NCAM1: variants seen among roughly 807,000 people sequenced by gnomAD.
NCAM1 encodes neural cell adhesion molecule 1, also known as antigen recognized by monoclonal antibody 5.1H11.
In NCAM1, 14 loss-of-function variants were observed where a neutral mutation model predicts 109.8. The observed-to-expected ratio is 0.13, with a 90% CI of 0.08 to 0.20. The LOEUF is 0.20. Ranked by LOEUF, NCAM1 falls within the 10% of genes least tolerant of loss-of-function variation. The pLI, the probability that NCAM1 is intolerant of heterozygous loss-of-function variation, is 1.00. For missense variants in NCAM1, 774 were observed against 1,109.9 expected (o/e 0.70, Z 4.30); for synonymous variants, 418 against 442.9 (o/e 0.94, Z 0.70).
chr11:113,071,920 G>A (rs1290198652), intron 1 of NCAM1, among the ~76,000 whole-genome samples: 5 of 152,092 alleles, frequency 3.3e-5, no homozygotes, highest in African/African-American at 9.7e-5. Context: ...CGAAGCAGGT[G>A]GACGATTTGA....
intron 9 of NCAM1, among the ~76,000 whole-genome samples, chr11:113,225,477 G>A (rs188800859): frequency 6.6e-6 from 1 of 152,190 alleles, no homozygotes; most frequent in South Asian, 2.1e-4. Flanking sequence ...GAAAGTGACG[G>A]GGAGAATGGA....
chr11:113,002,530 A>G (rs1555072627), intron 1 of NCAM1, among the ~76,000 whole-genome samples: 1 of 152,212 alleles, frequency 6.6e-6, no homozygotes, highest in East Asian at 1.9e-4. Flanking sequence ...AGGGAAGATT[A>G]GAATCTGTGT....
chr11:113,211,460 T>A (rs781945462), intron 7 of NCAM1, among the ~76,000 whole-genome samples: 4 of 152,250 alleles, frequency 2.6e-5, no homozygotes, highest in Non-Finnish European at 5.9e-5. Context: ...ACATGTTGCC[T>A]TAGTTATTAG....
chr11:113,271,517 TCATAA>T (rs1946274228), intron 18 of NCAM1, among the ~76,000 whole-genome samples: 1 of 152,130 alleles, frequency 6.6e-6, no homozygotes, highest in Non-Finnish European at 1.5e-5. Context: ...CATTGAATTC[TCATAA>T]CTAGGCAAAG....
intron 1 of NCAM1, among the ~76,000 whole-genome samples, chr11:113,097,241 T>C (rs1939643462): frequency 6.6e-6 from 1 of 152,236 alleles, no homozygotes; most frequent in African/African-American, 2.4e-5. Flanking sequence ...AAATCTTTCT[T>C]ATGGCTTTTA....
intron 1 of NCAM1, among the ~76,000 whole-genome samples, chr11:113,125,972 A>ATG (rs1555097006): frequency 4.0e-4 from 61 of 152,112 alleles, no homozygotes; most frequent in African/African-American, 1.4e-3. Context: ...CCTGGCCAAC[A>ATG]CGCTGAAACT....
chr11:113,268,017 T>C (rs1946172979), intron 17 of NCAM1, among the ~76,000 whole-genome samples: 1 of 152,154 alleles, frequency 6.6e-6, no homozygotes, highest in Non-Finnish European at 1.5e-5. Context: ...CTTCAGGGAG[T>C]AGGCACTTTA....
In NCAM1 at chr11:113,233,918, T is replaced by A. The variant is rs1364581028; in HGVS notation, c.1693+601T>A. 6.6e-6 allele frequency among the ~76,000 whole-genome samples: 1 copy of A among 152,146 alleles called. No homozygotes were observed. The highest frequency in any genetic ancestry group is 2.4e-5 in the African/African-American group (1 of 41,410). On this transcript the variant is annotated intron_variant, in intron 13 of 19. Coordinates refer to ENST00000316851, the MANE Select transcript of NCAM1 (RefSeq NM_181351.5). The surrounding 1 kb of genome is among the most constrained non-coding windows in gnomAD (Gnocchi z 4.5). The stretch of plus-strand genomic sequence containing the variant: ...CTTATGTTGGACTCCCCTTTTTGGG[T>A]TTAATTGGAATAACTCAGTGAAGTA...
At chr11:113,177,883 C>A (rs976068253) in intron 1 of NCAM1, among the ~76,000 whole-genome samples, 1 of 152,062 alleles carries the variant, frequency 6.6e-6, no homozygotes, top group Non-Finnish European at 1.5e-5. Flanking sequence ...TGCTTGTTAC[C>A]GTCACATTTT....
rs1326210735 is a variant in NCAM1 at position 113,278,214 on chromosome 11, T to TGTC, written c.*2828_*2830dup. 1 of 152,132 alleles carries TGTC rather than the reference T, an allele frequency of 6.6e-6. No individual in the cohort carries two copies. The highest frequency in any genetic ancestry group is 2.4e-5 in the African/African-American group (1 of 41,422). The allele number at this position is 152,132 out of a possible 1,614,324, so 9.4% of individuals were successfully genotyped here. On this transcript the variant is annotated 3_prime_UTR_variant, in exon 20 of 20. Coordinates refer to ENST00000316851, the MANE Select transcript of NCAM1 (RefSeq NM_181351.5). The stretch of plus-strand genomic sequence containing the variant: ...CGAGTCCCAGGTTTTCACTTGAGGC[T>TGTC]GTCTGTCTGGATGGCGGTTTTCAGA...
At chr11:113,157,167 A>G (rs1014920942) in intron 1 of NCAM1, among the ~76,000 whole-genome samples, 1 of 152,106 alleles carries the variant, frequency 6.6e-6, no homozygotes, top group Non-Finnish European at 1.5e-5. Context: ...ACACACACAG[A>G]GTAAGAACCC....
chr11:113,205,249 C>G (rs1166199991), intron 3 of NCAM1, among the ~76,000 whole-genome samples: 1 of 152,124 alleles, frequency 6.6e-6, no homozygotes, highest in Non-Finnish European at 1.5e-5. Context: ...ACAAGGAACC[C>G]TTGGTGAAGA....
chr11:113,103,511 G>A (rs1307693128), intron 1 of NCAM1, among the ~76,000 whole-genome samples: 3 of 152,132 alleles, frequency 2.0e-5, no homozygotes, highest in African/African-American at 7.2e-5. Flanking sequence ...CTCTGTATGT[G>A]TGATACTTTT....
intron 1 of NCAM1, among the ~76,000 whole-genome samples, chr11:113,057,168 A>C (rs1174948707): frequency 1.3e-5 from 2 of 152,194 alleles, no homozygotes; most frequent in African/African-American, 4.8e-5. Context: ...GAGTAATGTC[A>C]GGAATGACTT....
intron 1 of NCAM1, among the ~76,000 whole-genome samples, chr11:112,990,228 T>C (rs1471525480): frequency 6.6e-6 from 1 of 152,186 alleles, no homozygotes; most frequent in Non-Finnish European, 1.5e-5. Context: ...AGTTGTGTTT[T>C]TCTCTGGGTC....
At position 113,116,247 on chromosome 11, in the gene NCAM1, G is replaced by A. The variant is rs528562724; in HGVS notation, c.53-86132G>A. Among the ~76,000 whole-genome samples, 5 of 152,330 alleles carry A rather than the reference G, an allele frequency of 3.3e-5. No individual in the cohort carries two copies. In the South Asian group the frequency reaches 1.0e-3, roughly 32 times the overall value. Reference sequence around the variant, plus strand: ...ACTCAAAAGTACTCTAAAACTATTTGTTGCTTGAGTACTATCTATTTTTCA... The same window carrying A: ...ACTCAAAAGTACTCTAAAACTATTTATTGCTTGAGTACTATCTATTTTTCA... On this transcript the variant is annotated intron_variant, in intron 1 of 19. Coordinates refer to ENST00000316851, the MANE Select transcript of NCAM1 (RefSeq NM_181351.5).
chr11:113,159,467 G>A (rs1942525792), intron 1 of NCAM1, among the ~76,000 whole-genome samples: 1 of 151,970 alleles, frequency 6.6e-6, no homozygotes, highest in Non-Finnish European at 1.5e-5. Context: ...GTCTCCCTCA[G>A]AACTGCCACT....
intron 1 of NCAM1, among the ~76,000 whole-genome samples, chr11:113,188,027 C>T (rs1020123094): frequency 1.3e-5 from 2 of 152,168 alleles, no homozygotes; most frequent in Non-Finnish European, 2.9e-5. Flanking sequence ...AGATCAGTGC[C>T]TTTTCTTTTT....
intron 1 of NCAM1, among the ~76,000 whole-genome samples, chr11:112,986,384 G>A (rs1951305078): frequency 6.6e-6 from 1 of 151,874 alleles, no homozygotes; most frequent in South Asian, 2.1e-4. Context: ...TTCTTGTAGT[G>A]TCCTTGTCTG....
Sources: gnomAD v4.1 joint callset for allele counts (sites outside exome capture counted in the v4.1 genomes callset) on GRCh38, gnomAD v4.1.1 for gene constraint, Gnocchi (gnomAD v3.1) non-coding constraint, MANE v1.5 for transcripts, NCBI Gene and HGNC (gene_info 2026-07-23, HGNC 2026-07-21) for gene names.